The following PCDHGA2 variants were observed in gnomAD, a reference collection of about 807,000 sequenced individuals.
PCDHGA2 encodes the protein protocadherin gamma subfamily A, 2.
In PCDHGA2, 40 loss-of-function variants were observed where a neutral mutation model predicts 59.2. The observed-to-expected ratio is 0.68, with a 90% CI of 0.52 to 0.88. The LOEUF is 0.88. Ranked by LOEUF, PCDHGA2 falls within the 40% of genes least tolerant of loss-of-function variation. The pLI, the probability that PCDHGA2 is intolerant of heterozygous loss-of-function variation, is 0.00. For synonymous variants in PCDHGA2, 560 were observed against 526.0 expected, an observed-to-expected ratio of 1.06 and a Z score of -0.89; for missense variants, 1,226 against 1,204.0, an observed-to-expected ratio of 1.02 and a Z score of -0.27.
At chr5:141,407,240 C>T (rs1011878099) in intron 1 of PCDHGA2, among the ~76,000 whole-genome samples, 3 of 152,158 alleles carry the variant, frequency 2.0e-5, no homozygotes, top group African/African-American at 7.2e-5. Context: ...ATAAAGCATA[C>T]TTCAGGCTCA....
intron 1 of PCDHGA2, chr5:141,426,432 C>A (rs1239073805): frequency 1.0e-5 from 3 of 295,812 alleles, no homozygotes; most frequent in South Asian, 3.3e-5. Flanking sequence ...TGGTGGGGAA[C>A]CTTGCGGAGG....
intron 1 of PCDHGA2, chr5:141,351,853 G>A (rs563575027): frequency 2.5e-6 from 4 of 1,613,036 alleles, no homozygotes; most frequent in South Asian, 1.1e-5. Context: ...TGCAGGCCAG[G>A]GACCAGGGCT....
chr5:141,394,208 C>T (rs972602841), intron 1 of PCDHGA2: 2 of 1,613,814 alleles, frequency 1.2e-6, no homozygotes, highest in African/African-American at 1.3e-5. Context: ...TAGAGAACAA[C>T]CTGAGAGGAG....
Position 141,486,979 on chromosome 5 carries a change from C to T in PCDHGA2, c.2425-7828C>T. On this transcript the variant is annotated intron_variant, in intron 1 of 3. Transcript: ENST00000394576. This position sits in a 1 kb window ranked among gnomAD's most constrained non-coding sequence, Gnocchi z 5.0. ...CTGCTGTGGACTTGGATTCAGGTTACAATGCTTGGGTTTCCTATCAGCTCC... is the reference window on the plus strand; with the variant it reads ...CTGCTGTGGACTTGGATTCAGGTTATAATGCTTGGGTTTCCTATCAGCTCC... 6.2e-7 allele frequency: 1 copy of T among 1,614,200 alleles called. No individual in the cohort carries two copies. Among genetic ancestry groups the T allele is most frequent in the Non-Finnish European group, 8.5e-7 (1 of 1,180,032 alleles).
At chr5:141,378,585 G>A (rs758641960) in intron 1 of PCDHGA2, 1 of 152,188 alleles carries the variant, frequency 6.6e-6, no homozygotes, top group South Asian at 2.1e-4. Flanking sequence ...ATGCTCGGTA[G>A]TGTCTGCTTA....
At chr5:141,351,329 G>A in intron 1 of PCDHGA2, 3 of 1,613,744 alleles carry the variant, frequency 1.9e-6, no homozygotes, top group Non-Finnish European at 2.5e-6. Context: ...AGAGGATTCA[G>A]ACCTTGGAAC....
chr5:141,367,062 T>C (rs1420841917), intron 1 of PCDHGA2: 1 of 308,254 alleles, frequency 3.2e-6, no homozygotes, highest in East Asian at 7.5e-5. Context: ...ATGTTTTATT[T>C]ATTCAAATTG....
At chr5:141,415,208 A>C in intron 1 of PCDHGA2, 3 of 1,614,024 alleles carry the variant, frequency 1.9e-6, no homozygotes, top group Non-Finnish European at 2.5e-6. Context: ...GTCCTGGCGG[A>C]CCTCGGCAGC....
chr5:141,385,225 G>C, intron 1 of PCDHGA2: 1 of 1,614,232 alleles, frequency 6.2e-7, no homozygotes, highest in Non-Finnish European at 8.5e-7. Context: ...GCCCAACTAT[G>C]TAGACATGCT....
At chr5:141,427,924 G>A (rs1440880400) in intron 1 of PCDHGA2, 8 of 1,580,024 alleles carry the variant, frequency 5.1e-6, no homozygotes, top group East Asian at 2.2e-5. Context: ...ATGAGCCGGC[G>A]CATGTTGGTG....
At chr5:141,399,705 C>G in intron 1 of PCDHGA2, 1 of 1,613,470 alleles carries the variant, frequency 6.2e-7, no homozygotes. Flanking sequence ...CCTTCGAACT[C>G]ACACTACAGG....
At chr5:141,399,870 C>CT (rs770811342) in intron 1 of PCDHGA2, 103 of 1,612,856 alleles carry the variant, frequency 6.4e-5, no homozygotes, top group Middle Eastern at 5.4e-4. Context: ...CAGAGCCCGG[C>CT]TACCTGGTGA....
chr5:141,372,264 G>GGTGAGGTGC, intron 1 of PCDHGA2: 1 of 1,613,138 alleles, frequency 6.2e-7, no homozygotes, highest in Non-Finnish European at 8.5e-7. Flanking sequence ...CCTGCGCACG[G>GGTGAGGTGC]GTGAGGTGCG....
chr5:141,357,781 A>C, intron 1 of PCDHGA2: 1 of 862,264 alleles, frequency 1.2e-6, no homozygotes, highest in South Asian at 1.9e-5. Flanking sequence ...AATGATCAAC[A>C]GTATTTACCA....
chr5:141,394,761 G>A, intron 1 of PCDHGA2: 1 of 1,613,428 alleles, frequency 6.2e-7, no homozygotes, highest in South Asian at 1.1e-5. Context: ...CCAGGACCAT[G>A]GCCAGCCCCC....
At chr5:141,454,557 C>T (rs191373514) in intron 1 of PCDHGA2, among the ~76,000 whole-genome samples, 8 of 152,160 alleles carry the variant, frequency 5.3e-5, no homozygotes, top group Admixed American at 5.2e-4. Flanking sequence ...CAGGCATGTG[C>T]CACCACGCCC....
chr5:141,376,682 T>TTTTTTGTTG lies in PCDHGA2; in HGVS notation c.2424+35292_2424+35293insGTTGTTTTT, dbSNP rs1554084782. On this transcript the variant is annotated intron_variant, in intron 1 of 3. Coordinates refer to ENST00000394576, the MANE Select transcript of PCDHGA2 (RefSeq NM_018915.4). ...TTGTTCAGGTGAGGGTATCGTTTTTTTTTTTTTTTTTTTTTGAGACGGAGT... is the reference window on the plus strand; with the variant it reads ...TTGTTCAGGTGAGGGTATCGTTTTTTTTTTTGTTGTTTTTTTTTTTTTTTGAGACGGAGT... The TTTTTTGTTG allele has an allele frequency of 3.8e-6, 3 of 786,082 alleles. No homozygotes were observed. In the African/African-American group the frequency reaches 5.8e-5, roughly 15 times the overall value. 48.7% of individuals were successfully genotyped at this position (786,082 alleles called of 1,614,324 possible). A position where few individuals can be genotyped will look rare whatever the true frequency, so the allele number is the denominator to read the frequency against.
In PCDHGA2 at chr5:141,433,051, G is replaced by A. The variant is rs754102028; in HGVS notation, c.2425-61756G>A. The A allele has an allele frequency of 1.8e-5, 29 of 1,614,066 alleles. No homozygotes were observed. In the East Asian group the frequency reaches 2.5e-4, roughly 14 times the overall value. On this transcript the variant is annotated intron_variant, in intron 1 of 3. Transcript: ENST00000394576. ...AGGTTTCCCTCACCACGGACTCGCG[G>A]AAGAGTCACCTGATCTTCCCCCAGC...
At chr5:141,398,506 A>G (rs2093664607) in intron 1 of PCDHGA2, 1 of 1,601,998 alleles carries the variant, frequency 6.2e-7, no homozygotes, top group South Asian at 1.1e-5. Context: ...CGAGGACATT[A>G]ATGACCACAC....
Sources: allele counts gnomAD v4.1 joint callset (sites outside exome capture counted in the v4.1 genomes callset), GRCh38; gene constraint gnomAD v4.1.1; non-coding constraint Gnocchi (gnomAD v3.1); transcripts MANE v1.5; gene names NCBI Gene and HGNC (gene_info 2026-07-23, HGNC 2026-07-21).